The following CCSER1 variants were observed in gnomAD, a reference collection of about 807,000 sequenced individuals.
CCSER1 encodes the protein coiled-coil serine rich protein 1.
CCSER1 carries 41 observed loss-of-function variants against 82.0 expected under a neutral mutation model. The ratio of observed to expected loss-of-function variants is 0.50; its 90% CI spans 0.39 to 0.65. The LOEUF (loss-of-function observed/expected upper bound fraction) is 0.65, where lower values mean the gene tolerates loss of function less well. Among genes scored for constraint, CCSER1 ranks in the 30% least tolerant of loss-of-function variants. The pLI, the probability that CCSER1 is intolerant of heterozygous loss-of-function variation, is 0.00. For synonymous variants in CCSER1, 414 were observed against 383.9 expected, an observed-to-expected ratio of 1.08 and a Z score of -0.92; for missense variants, 1,119 against 1,064.2, an observed-to-expected ratio of 1.05 and a Z score of -0.72.
At chr4:90,964,560 T>TA (rs36067277) in intron 9 of CCSER1, among the ~76,000 whole-genome samples, 1 of 151,510 alleles carries the variant, frequency 6.6e-6, no homozygotes, top group African/African-American at 2.4e-5. Flanking sequence ...CCGTCTCTAC[T>TA]AAAAATACAA....
chr4:91,307,588 T>C (rs1578164586), intron 10 of CCSER1, among the ~76,000 whole-genome samples: 1 of 151,956 alleles, frequency 6.6e-6, no homozygotes, highest in East Asian at 1.9e-4. Flanking sequence ...TTATATGTTG[T>C]GGTAAAAGAA....
At chr4:90,162,567 G>A (rs1026493666) in intron 1 of CCSER1, among the ~76,000 whole-genome samples, 1 of 151,842 alleles carries the variant, frequency 6.6e-6, no homozygotes, top group African/African-American at 2.4e-5. Context: ...AATGAGCGTA[G>A]CAGTATCCTA....
chr4:90,797,744 C>T (rs569010138), intron 7 of CCSER1, among the ~76,000 whole-genome samples: 75 of 152,156 alleles, frequency 4.9e-4, no homozygotes, highest in African/African-American at 1.5e-3. Context: ...CTTAGTTTGA[C>T]GAGGTATGAA....
chr4:91,018,431 T>A (rs1413154867), intron 9 of CCSER1, among the ~76,000 whole-genome samples: 1 of 152,160 alleles, frequency 6.6e-6, no homozygotes, highest in Non-Finnish European at 1.5e-5. Flanking sequence ...TCTCTTTATC[T>A]GCAATCTGGA....
At chr4:90,919,977 A>C (rs2150236779) in intron 8 of CCSER1, among the ~76,000 whole-genome samples, 1 of 152,088 alleles carries the variant, frequency 6.6e-6, no homozygotes, top group South Asian at 2.1e-4. Context: ...ACAATTAGGT[A>C]TTTTGTCAGG....
intron 9 of CCSER1, among the ~76,000 whole-genome samples, chr4:90,962,009 C>T (rs1021782936): frequency 9.9e-5 from 15 of 152,002 alleles, no homozygotes; most frequent in African/African-American, 3.6e-4. Flanking sequence ...TTTAAAGTCC[C>T]CCATTGAGCA....
intron 7 of CCSER1, among the ~76,000 whole-genome samples, chr4:90,798,752 A>G (rs1439319882): frequency 6.6e-6 from 1 of 152,158 alleles, no homozygotes; most frequent in African/African-American, 2.4e-5. Context: ...TTAGGGGGTC[A>G]CTGCTTAGCC....
intron 5 of CCSER1, among the ~76,000 whole-genome samples, chr4:90,578,208 T>C (rs1780988550): frequency 6.6e-6 from 1 of 152,216 alleles, no homozygotes; most frequent in African/African-American, 2.4e-5. Flanking sequence ...TTACCACTGA[T>C]TTAATGGGTT....
intron 10 of CCSER1, among the ~76,000 whole-genome samples, chr4:91,122,974 C>T (rs1367737758): frequency 6.6e-6 from 1 of 151,682 alleles, no homozygotes; most frequent in Non-Finnish European, 1.5e-5. Context: ...GCAGAAAATT[C>T]AGGGGACCTA....
chr4:90,736,860 G>C (rs1745735591), intron 7 of CCSER1, among the ~76,000 whole-genome samples: 1 of 151,768 alleles, frequency 6.6e-6, no homozygotes, highest in East Asian at 1.9e-4. Context: ...TTTATCTGCT[G>C]TGGGTTTTTT....
intron 10 of CCSER1, among the ~76,000 whole-genome samples, chr4:91,537,285 G>A (rs1761345042): frequency 6.6e-6 from 1 of 151,954 alleles, no homozygotes; most frequent in African/African-American, 2.4e-5. Flanking sequence ...AGGCAGCAGG[G>A]CTCCATGCTT....
At chr4:91,065,380 T>A (rs1183764829) in intron 9 of CCSER1, among the ~76,000 whole-genome samples, 1 of 152,136 alleles carries the variant, frequency 6.6e-6, no homozygotes, top group Non-Finnish European at 1.5e-5. Context: ...TACATTATTG[T>A]ATAATTAATA....
chr4:90,496,699 C>G (rs368468015), intron 5 of CCSER1, among the ~76,000 whole-genome samples: 1 of 152,066 alleles, frequency 6.6e-6, no homozygotes, highest in South Asian at 2.1e-4. Context: ...AAGTCATCGG[C>G]CAGGCACAGT....
intron 1 of CCSER1, among the ~76,000 whole-genome samples, chr4:90,183,429 C>T (rs1346510997): frequency 6.6e-6 from 1 of 152,062 alleles, no homozygotes; most frequent in Non-Finnish European, 1.5e-5. Context: ...GGGAGGTTGG[C>T]AGATGAGATT....
intron 10 of CCSER1, among the ~76,000 whole-genome samples, chr4:91,156,726 A>G (rs1004984856): frequency 2.6e-5 from 4 of 151,724 alleles, no homozygotes; most frequent in South Asian, 4.2e-4. Context: ...CTTCATTTGC[A>G]TGTTTTCTGT....
chr4:90,490,442 A>C (rs956723786), intron 5 of CCSER1, among the ~76,000 whole-genome samples: 1 of 152,012 alleles, frequency 6.6e-6, no homozygotes, highest in African/African-American at 2.4e-5. Context: ...AGATGAGTAG[A>C]TTGCAAAAAT....
Position 90,127,844 on chromosome 4 carries a change from C to T in CCSER1, c.-42+13C>T, listed in dbSNP as rs1279612737. ...CGGAGCCCTCAAGGTAGTAACGCCC[C>T]TGGTGCCTCAGCGCTCAGCGGGTCG... On this transcript the variant is annotated intron_variant, in intron 1 of 10. Transcript: ENST00000509176. 1.3e-5 allele frequency: 2 copies of T among 152,230 alleles called. No individual in the cohort carries two copies. The highest frequency in any genetic ancestry group is 2.9e-5 in the Non-Finnish European group (2 of 68,066). The allele number at this position is 152,230 out of a possible 1,614,324, so 9.4% of individuals were successfully genotyped here.
intron 3 of CCSER1, among the ~76,000 whole-genome samples, chr4:90,335,716 C>G (rs114148453): frequency 0.027 from 4,166 of 152,248 alleles, 64 homozygotes; most frequent in South Asian, 0.045. Flanking sequence ...AAAAACTGTG[C>G]ACTTTTAGTA....
chr4:91,380,994 C>T (rs142393563), intron 10 of CCSER1, among the ~76,000 whole-genome samples: 2,982 of 152,148 alleles, frequency 0.02, 76 homozygotes, highest in African/African-American at 0.067. Context: ...TTTATTTCTC[C>T]TTCACTGATG....
Sources: allele counts gnomAD v4.1 joint callset (sites outside exome capture counted in the v4.1 genomes callset), GRCh38; gene constraint gnomAD v4.1.1; transcripts MANE v1.5; gene names NCBI Gene and HGNC (gene_info 2026-07-23, HGNC 2026-07-21).